The following PAIP2B variants were observed in gnomAD, a reference collection of about 807,000 sequenced individuals.
PAIP2B encodes polyadenylate-binding protein-interacting protein 2B.
In PAIP2B, 13 loss-of-function variants were observed where a neutral mutation model predicts 17.0. The ratio of observed to expected loss-of-function variants is 0.76; its 90% CI spans 0.50 to 1.22. PAIP2B has a LOEUF of 1.22. Among genes scored for constraint, PAIP2B ranks in the 50% most tolerant of loss-of-function variants. The pLI is 0.00. For missense variants in PAIP2B, 117 were observed against 144.5 expected, an observed-to-expected ratio of 0.81 and a Z score of 0.98; for synonymous variants, 43 against 48.7, an observed-to-expected ratio of 0.88 and a Z score of 0.48.
chr2:71,190,169 C>T, intron 2 of PAIP2B, 148 bp from the exon 3 acceptor site: 2 of 845,650 alleles, frequency 2.4e-6, no homozygotes, highest in Non-Finnish European at 3.5e-6. Context: ...ACTGTAATCC[C>T]AGCAGTTTGG....
intron 1 of PAIP2B, among the ~76,000 whole-genome samples, chr2:71,220,657 ATTTG>A (rs756236411): frequency 6.6e-6 from 1 of 152,106 alleles, no homozygotes; most frequent in African/African-American, 2.4e-5. Flanking sequence ...TTTAAAAAAT[ATTTG>A]TTTATTTTTT....
At chr2:71,211,809 C>T (rs1006238319) in intron 1 of PAIP2B, among the ~76,000 whole-genome samples, 4 of 152,124 alleles carry the variant, frequency 2.6e-5, no homozygotes, top group East Asian at 1.9e-4. Flanking sequence ...CTACTGGAAA[C>T]GTACAGAACA....
intron 1 of PAIP2B, among the ~76,000 whole-genome samples, chr2:71,203,011 C>T (rs1053976298): frequency 6.6e-6 from 1 of 152,106 alleles, no homozygotes; most frequent in African/African-American, 2.4e-5. Flanking sequence ...TTCTAATTCT[C>T]AAGCTGTTTT....
intron 1 of PAIP2B, among the ~76,000 whole-genome samples, chr2:71,210,866 T>A (rs1459497046): frequency 6.6e-6 from 1 of 152,122 alleles, no homozygotes; most frequent in Non-Finnish European, 1.5e-5. Flanking sequence ...GGAAGAATAA[T>A]AAAACTGAAC....
At chr2:71,189,603 C>T (rs1674631380) in intron 3 of PAIP2B, among the ~76,000 whole-genome samples, 1 of 152,144 alleles carries the variant, frequency 6.6e-6, no homozygotes, top group Admixed American at 6.5e-5. Context: ...AGGTTGGTGG[C>T]GTCCAATCTT....
chr2:71,204,872 A>T (rs987105282), intron 1 of PAIP2B, among the ~76,000 whole-genome samples: 2 of 152,202 alleles, frequency 1.3e-5, no homozygotes, highest in Non-Finnish European at 2.9e-5. Context: ...CTGTACTATT[A>T]TTTCCAAAGA....
intron 2 of PAIP2B, among the ~76,000 whole-genome samples, chr2:71,195,017 T>C (rs966083940): frequency 6.6e-6 from 1 of 152,260 alleles, no homozygotes; most frequent in African/African-American, 2.4e-5. Context: ...TCTGTTTACA[T>C]GATGAATCAC....
chr2:71,218,486 G>A (rs888536484), intron 1 of PAIP2B, among the ~76,000 whole-genome samples: 2 of 152,094 alleles, frequency 1.3e-5, no homozygotes, highest in Non-Finnish European at 2.9e-5. Flanking sequence ...GCTTAAAGAC[G>A]AGCAAAGATG....
chr2:71,211,785 A>T (rs1465416102), intron 1 of PAIP2B, among the ~76,000 whole-genome samples: 1 of 152,196 alleles, frequency 6.6e-6, no homozygotes, highest in Non-Finnish European at 1.5e-5. Flanking sequence ...ATGTTCTGTG[A>T]TATTACTATC....
chr2:71,199,334 T>C (rs1420335807), intron 2 of PAIP2B, among the ~76,000 whole-genome samples: 2 of 151,982 alleles, frequency 1.3e-5, no homozygotes, highest in East Asian at 3.9e-4. Flanking sequence ...ATGAATATTG[T>C]TGACATTTCA....
In PAIP2B at chr2:71,187,708, TG is replaced by T. The variant is rs1553445884; in HGVS notation, c.*770del. The T allele has an allele frequency of 6.6e-6, 1 of 152,184 alleles. No individual in the cohort carries two copies. Among genetic ancestry groups the T allele is most frequent in the Non-Finnish European group, 1.5e-5 (1 of 68,048 alleles). The allele number at this position is 152,184 out of a possible 1,614,324, so 9.4% of individuals were successfully genotyped here. ...GCTGGGGAATAGACTTCATGAAAGA[TG>T]AGGTGGCAGATCAACCCTAGTGCTC... On this transcript the variant is annotated 3_prime_UTR_variant, in exon 4 of 4. Transcript: ENST00000244221.
chr2:71,189,444 CAG>C (rs1453123898), intron 3 of PAIP2B, among the ~76,000 whole-genome samples: 6 of 152,162 alleles, frequency 3.9e-5, no homozygotes, highest in Admixed American at 3.3e-4. Context: ...ATTTTTATAA[CAG>C]AATCATTTAG....
At chr2:71,206,995 A>G (rs2103795441) in intron 1 of PAIP2B, among the ~76,000 whole-genome samples, 1 of 152,354 alleles carries the variant, frequency 6.6e-6, no homozygotes, top group Non-Finnish European at 1.5e-5. Context: ...AACTAAGATC[A>G]TTAAATCTAT....
intron 1 of PAIP2B, among the ~76,000 whole-genome samples, chr2:71,208,729 A>G (rs1185203193): frequency 1.3e-5 from 2 of 152,186 alleles, no homozygotes; most frequent in Non-Finnish European, 2.9e-5. Context: ...CCTCAATTCA[A>G]TGATAGGTAT....
intron 2 of PAIP2B, among the ~76,000 whole-genome samples, chr2:71,199,614 T>C (rs145845929): frequency 0.34 from 52,115 of 151,186 alleles, 9,668 homozygotes; most frequent in Admixed American, 0.46. Context: ...TCGCCCAGGC[T>C]GGAGTGCAGT....
chr2:71,194,459 TTGTGTGTGTGTGTGTGTG>T (rs141924993), intron 2 of PAIP2B, among the ~76,000 whole-genome samples: 1 of 143,374 alleles, frequency 7.0e-6, no homozygotes, highest in Non-Finnish European at 1.5e-5. Flanking sequence ...TATTCCTAGG[TTGTGTGTGTGTGTGTGTG>T]TGTGTGTGTG....
intron 1 of PAIP2B, among the ~76,000 whole-genome samples, chr2:71,215,322 CT>C (rs1675400506): frequency 6.6e-6 from 1 of 152,012 alleles, no homozygotes; most frequent in Non-Finnish European, 1.5e-5. Flanking sequence ...AAAATGCAGA[CT>C]CCCCCCAGCC....
At position 71,204,539 on chromosome 2, in the gene PAIP2B, T is replaced by C. The variant is rs373492986; in HGVS notation, c.-11-1939A>G. On this transcript the variant is annotated intron_variant, in intron 1 of 3. Coordinates refer to ENST00000244221, the MANE Select transcript of PAIP2B (RefSeq NM_020459.1). The stretch of plus-strand genomic sequence containing the variant: ...GATGGAAAAACAACTCAGTAGTACA[T>C]AGTTCTAAAAGAATTCATTTAAAAT... 2.6e-5 allele frequency among the ~76,000 whole-genome samples: 4 copies of C among 152,192 alleles called. No homozygotes were observed. In the South Asian group the frequency reaches 6.2e-4, roughly 24 times the overall value.
chr2:71,220,900 T>TAATCAGCTGCTCACCCATCTGTC (rs1428918709), intron 1 of PAIP2B, among the ~76,000 whole-genome samples: 4 of 152,256 alleles, frequency 2.6e-5, no homozygotes, highest in Non-Finnish European at 4.4e-5. Context: ...TGTCACATGA[T>TAATCAGCTGCTCACCCATCTGTC]AATCAGCTGC....
Sources: gnomAD v4.1 joint callset for allele counts (sites outside exome capture counted in the v4.1 genomes callset) on GRCh38, gnomAD v4.1.1 for gene constraint, MANE v1.5 for transcripts, NCBI Gene and HGNC (gene_info 2026-07-23, HGNC 2026-07-21) for gene names.